ERC2: variants seen among roughly 807,000 people sequenced by gnomAD.
The protein encoded by ERC2 is ELKS/RAB6-interacting/CAST family member 2, also known as ERC protein 2.
In ERC2, 42 loss-of-function variants were observed where a neutral mutation model predicts 114.8. That is an observed-to-expected ratio of 0.37 (90% confidence interval 0.29 to 0.47). ERC2 has a LOEUF of 0.47. ERC2 is among the 20% of genes least tolerant of loss of function. ERC2 has a pLI of 0.99. For synonymous variants in ERC2, 454 were observed against 425.5 expected (o/e 1.07, Z -0.82); for missense variants, 939 against 1,150.7 (o/e 0.82, Z 2.66).
At chr3:56,258,176 C>A (rs1329010678) in intron 3 of ERC2, among the ~76,000 whole-genome samples, 1 of 152,176 alleles carries the variant, frequency 6.6e-6, no homozygotes, top group Non-Finnish European at 1.5e-5. Context: ...TGCAGTGCAC[C>A]TTTAAAACTC....
In ERC2 at chr3:55,805,971, T is replaced by C. The variant is rs575600079; in HGVS notation, c.2565-71053A>G. 5.3e-5 allele frequency among the ~76,000 whole-genome samples: 8 copies of C among 152,256 alleles called. No individual in the cohort carries two copies. In the South Asian group the frequency reaches 1.2e-3, roughly 24 times the overall value. ...AAAGGCAATGAGACACTAAAGTTCATATGAAGCATTACAAAAATGATAGAG... is the reference window on the plus strand; with the variant it reads ...AAAGGCAATGAGACACTAAAGTTCACATGAAGCATTACAAAAATGATAGAG... On this transcript the variant is annotated intron_variant, in intron 14 of 17. Transcript: ENST00000288221.
chr3:56,357,345 C>A (rs533623942), intron 2 of ERC2, among the ~76,000 whole-genome samples: 2 of 152,206 alleles, frequency 1.3e-5, no homozygotes, highest in Non-Finnish European at 2.9e-5. Flanking sequence ...TCTATTCTCA[C>A]GTGAGCCAAT....
intron 2 of ERC2, among the ~76,000 whole-genome samples, chr3:56,420,272 C>T (rs2061336577): frequency 7.1e-6 from 1 of 139,984 alleles, no homozygotes; most frequent in Non-Finnish European, 1.5e-5. Context: ...GCAGGCATGA[C>T]CTCCTAGGTT....
At chr3:56,310,494 A>T (rs2056473338) in intron 2 of ERC2, among the ~76,000 whole-genome samples, 1 of 152,222 alleles carries the variant, frequency 6.6e-6, no homozygotes, top group Non-Finnish European at 1.5e-5. Flanking sequence ...CAGAATTGTA[A>T]GATGTCTTAC....
intron 2 of ERC2, among the ~76,000 whole-genome samples, chr3:56,297,770 A>C (rs1434773120): frequency 6.6e-6 from 1 of 152,206 alleles, no homozygotes; most frequent in African/African-American, 2.4e-5. Context: ...ATGGGGTAAT[A>C]CTATAAGTTA....
At chr3:55,702,554 A>G (rs1336402296) in intron 15 of ERC2, among the ~76,000 whole-genome samples, 6 of 151,758 alleles carry the variant, frequency 4.0e-5, no homozygotes, top group Admixed American at 3.9e-4. Flanking sequence ...TTTTTTTTTA[A>G]GTCTGCACTA....
At chr3:55,654,799 T>C (rs147579253) in intron 17 of ERC2, among the ~76,000 whole-genome samples, 1 of 152,316 alleles carries the variant, frequency 6.6e-6, no homozygotes, top group African/African-American at 2.4e-5. Flanking sequence ...CATCCCTAAT[T>C]GCCAGGTTAG....
At chr3:56,426,593 C>G (rs944453603) in intron 2 of ERC2, among the ~76,000 whole-genome samples, 1 of 152,178 alleles carries the variant, frequency 6.6e-6, no homozygotes, top group African/African-American at 2.4e-5. Flanking sequence ...ATGATGAAAG[C>G]CAAGGCTTTA....
At chr3:55,543,841 G>A (rs192691176) in intron 17 of ERC2, among the ~76,000 whole-genome samples, 2 of 152,184 alleles carry the variant, frequency 1.3e-5, no homozygotes, top group East Asian at 3.9e-4. Context: ...GGCTGCCCTG[G>A]CCACTCTCCC....
intron 15 of ERC2, among the ~76,000 whole-genome samples, chr3:55,700,404 T>A (rs1229934654): frequency 1.3e-5 from 2 of 152,226 alleles, no homozygotes; most frequent in African/African-American, 4.8e-5. Context: ...CTTTGCTGGT[T>A]ATGTGAACCT....
chr3:56,002,377 C>T (rs1576519766), intron 10 of ERC2, among the ~76,000 whole-genome samples: 1 of 152,124 alleles, frequency 6.6e-6, no homozygotes, highest in South Asian at 2.1e-4. Context: ...CAGTAAGCCA[C>T]TTAAGTTCAC....
At chr3:55,732,158 G>A (rs1449992624) in intron 15 of ERC2, among the ~76,000 whole-genome samples, 1 of 152,124 alleles carries the variant, frequency 6.6e-6, no homozygotes, top group Non-Finnish European at 1.5e-5. Flanking sequence ...CACTCACATG[G>A]TTGCTGTGAG....
chr3:56,277,876 C>T (rs1576232605), intron 3 of ERC2, among the ~76,000 whole-genome samples: 1 of 152,158 alleles, frequency 6.6e-6, no homozygotes, highest in African/African-American at 2.4e-5. Flanking sequence ...GCAGGCTGCA[C>T]CAGCCCCACT....
At chr3:55,559,172 C>T (rs2055833762) in intron 17 of ERC2, among the ~76,000 whole-genome samples, 1 of 152,350 alleles carries the variant, frequency 6.6e-6, no homozygotes, top group South Asian at 2.1e-4. Flanking sequence ...TCCCTATGGG[C>T]CTGGACCACA....
chr3:56,355,209 C>A (rs2058698798), intron 2 of ERC2, among the ~76,000 whole-genome samples: 1 of 152,038 alleles, frequency 6.6e-6, no homozygotes, highest in Non-Finnish European at 1.5e-5. Context: ...TGTTTGTTAG[C>A]ACAAGTGGGA....
At chr3:55,896,463 C>G (rs895623765) in intron 13 of ERC2, among the ~76,000 whole-genome samples, 5 of 152,176 alleles carry the variant, frequency 3.3e-5, no homozygotes, top group Non-Finnish European at 5.9e-5. Flanking sequence ...AAGCTTTTGA[C>G]AGTCCAGCAA....
chr3:56,107,784 C>T (rs529430674), intron 6 of ERC2, among the ~76,000 whole-genome samples: 2 of 152,274 alleles, frequency 1.3e-5, no homozygotes, highest in East Asian at 3.9e-4. Flanking sequence ...TGACCCCATC[C>T]AAAGTAGAAA....
chr3:55,719,477 A>C (rs2064319927), intron 15 of ERC2, among the ~76,000 whole-genome samples: 1 of 152,160 alleles, frequency 6.6e-6, no homozygotes. Flanking sequence ...AACTTGGAAA[A>C]TGTTGGAAAC....
intron 2 of ERC2, among the ~76,000 whole-genome samples, chr3:56,375,525 A>C (rs1195810270): frequency 6.6e-6 from 1 of 152,212 alleles, no homozygotes; most frequent in African/African-American, 2.4e-5. Context: ...GGGATACAGC[A>C]GTCAACAAGA....
Sources: gnomAD v4.1 joint callset for allele counts (sites outside exome capture counted in the v4.1 genomes callset) on GRCh38, gnomAD v4.1.1 for gene constraint, MANE v1.5 for transcripts, NCBI Gene and HGNC (gene_info 2026-07-23, HGNC 2026-07-21) for gene names.